Variants in PPM1L observed in about 807,000 individuals in gnomAD.
The protein encoded by PPM1L is protein phosphatase 1L.
In PPM1L, 13 loss-of-function variants were observed where a neutral mutation model predicts 31.4. The observed-to-expected ratio is 0.41, with a 90% CI of 0.27 to 0.66. The LOEUF (loss-of-function observed/expected upper bound fraction) is 0.66. PPM1L is among the 30% of genes least tolerant of loss of function. The probability of loss-of-function intolerance (pLI) is 0.29; values close to 1 mark genes in which losing one functional copy is unlikely to be tolerated. For synonymous variants in PPM1L, 184 were observed against 175.4 expected (o/e 1.05, Z -0.39); for missense variants, 326 against 453.7 (o/e 0.72, Z 2.56).
At chr3:161,044,384 A>AT (rs1166105954) in intron 2 of PPM1L, among the ~76,000 whole-genome samples, 5 of 136,666 alleles carry the variant, frequency 3.7e-5, no homozygotes, top group Non-Finnish European at 8.3e-5. Flanking sequence ...TTATTTATTT[A>AT]TTTTTTAGTG....
chr3:161,061,173 C>T (rs1446119933), intron 2 of PPM1L, among the ~76,000 whole-genome samples: 2 of 151,080 alleles, frequency 1.3e-5, no homozygotes, highest in African/African-American at 4.8e-5. Context: ...TCTTAAGCCT[C>T]CCACCCCAGT....
intron 2 of PPM1L, among the ~76,000 whole-genome samples, chr3:161,006,033 C>T (rs1717693807): frequency 6.6e-6 from 1 of 151,906 alleles, no homozygotes; most frequent in Non-Finnish European, 1.5e-5. Context: ...ACAAAAAACA[C>T]AGTCTCAACG....
At position 161,031,764 on chromosome 3, in the gene PPM1L, C is replaced by T. The variant is rs144257985; in HGVS notation, c.575-33639C>T. Among the ~76,000 whole-genome samples the T allele has an allele frequency of 6.5e-3, 986 of 152,124 alleles. 11 individuals are homozygous for T. Among genetic ancestry groups the T allele is most frequent in the African/African-American group, 0.023 (937 of 41,484 alleles). On this transcript the variant is annotated intron_variant, in intron 2 of 3. Coordinates refer to ENST00000498165, the MANE Select transcript of PPM1L (RefSeq NM_139245.4). ...CAAGTGATCCACCTCAGCCTCCCAACGTGCTGGGATTACAGGCATGAGCCA... is the reference window on the plus strand; with the variant it reads ...CAAGTGATCCACCTCAGCCTCCCAATGTGCTGGGATTACAGGCATGAGCCA...
At chr3:160,979,894 G>A (rs991850559) in intron 2 of PPM1L, among the ~76,000 whole-genome samples, 7 of 151,800 alleles carry the variant, frequency 4.6e-5, no homozygotes, top group Admixed American at 1.3e-4. Context: ...GGAATAAGTC[G>A]ACAAAGGAAC....
intron 2 of PPM1L, among the ~76,000 whole-genome samples, chr3:161,024,698 C>CAA (rs35498356): frequency 3.0e-5 from 4 of 133,136 alleles, no homozygotes; most frequent in Non-Finnish European, 6.6e-5. Context: ...AACTCCATCT[C>CAA]AAAAAAAAAA....
At chr3:160,812,793 C>T (rs1458705798) in intron 1 of PPM1L, among the ~76,000 whole-genome samples, 6 of 152,256 alleles carry the variant, frequency 3.9e-5, no homozygotes, top group South Asian at 2.1e-4. Flanking sequence ...TTTCTAACAC[C>T]GTGATTACAG....
intron 2 of PPM1L, among the ~76,000 whole-genome samples, chr3:161,010,958 C>A (rs188797051): frequency 6.6e-6 from 1 of 152,194 alleles, no homozygotes; most frequent in Non-Finnish European, 1.5e-5. Flanking sequence ...TTCTCCCATT[C>A]TGTAGGTTGC....
intron 1 of PPM1L, among the ~76,000 whole-genome samples, chr3:160,783,211 A>G (rs979025115): frequency 3.9e-5 from 6 of 152,190 alleles, no homozygotes; most frequent in African/African-American, 1.2e-4. Context: ...CAATTGTTTC[A>G]TCATGATGAT....
chr3:160,944,809 A>ATT (rs1491568152), intron 1 of PPM1L, among the ~76,000 whole-genome samples: 8 of 7,294 alleles, frequency 1.1e-3, no homozygotes, highest in African/African-American at 2.2e-3. Context: ...TAACATATAT[A>ATT]ACATATATAT....
At chr3:160,869,241 T>C (rs1204340442) in intron 1 of PPM1L, among the ~76,000 whole-genome samples, 5 of 152,220 alleles carry the variant, frequency 3.3e-5, no homozygotes, top group South Asian at 2.1e-4. Context: ...TTCTCCAGCC[T>C]AAATTAATAA....
chr3:160,992,869 G>A (rs766150195), intron 2 of PPM1L, among the ~76,000 whole-genome samples: 2 of 152,180 alleles, frequency 1.3e-5, no homozygotes, highest in Non-Finnish European at 2.9e-5. Flanking sequence ...CTGAAGGAAG[G>A]TGGGCATGCA....
At chr3:160,777,713 A>G (rs1034369492) in intron 1 of PPM1L, among the ~76,000 whole-genome samples, 6 of 152,194 alleles carry the variant, frequency 3.9e-5, no homozygotes, top group African/African-American at 1.4e-4. Context: ...TTAAGGTCAA[A>G]TAATATTCCA....
At chr3:160,774,726 G>A (rs1249390660) in intron 1 of PPM1L, among the ~76,000 whole-genome samples, 3 of 152,186 alleles carry the variant, frequency 2.0e-5, no homozygotes, top group Non-Finnish European at 2.9e-5. Context: ...AGGATGTCTT[G>A]TCCTTATTTC....
chr3:160,973,542 T>C (rs1716425799), intron 2 of PPM1L, among the ~76,000 whole-genome samples: 1 of 152,144 alleles, frequency 6.6e-6, no homozygotes. Flanking sequence ...AAAAATAAAA[T>C]AGTTTTTAAA....
chr3:160,961,618 G>A, intron 1 of PPM1L, 118 bp from the exon 2 acceptor site: 2 of 720,136 alleles, frequency 2.8e-6, no homozygotes, highest in Non-Finnish European at 4.2e-6. Context: ...GGACATGCTT[G>A]TCTGGAGGGT....
chr3:161,069,700 T>G lies in PPM1L; in HGVS notation c.*543T>G. On this transcript the variant is annotated 3_prime_UTR_variant, in exon 4 of 4. Transcript: ENST00000498165. Reference sequence around the variant, plus strand: ...TGCTCAGTAGCAGCTTGGAAGCAGATTTGGAATGGTTTACTATTTTGGCTG... The same window carrying G: ...TGCTCAGTAGCAGCTTGGAAGCAGAGTTGGAATGGTTTACTATTTTGGCTG... The G allele has an allele frequency of 6.5e-6, 1 of 154,540 alleles. No individual in the cohort carries two copies. Among genetic ancestry groups the G allele is most frequent in the Non-Finnish European group, 1.4e-5 (1 of 69,540 alleles). 9.6% of individuals were successfully genotyped at this position (154,540 alleles called of 1,614,324 possible). A position where few individuals can be genotyped will look rare whatever the true frequency, so the allele number is the denominator to read the frequency against.
intron 2 of PPM1L, among the ~76,000 whole-genome samples, chr3:161,008,351 T>C (rs764236091): frequency 2.0e-5 from 3 of 152,198 alleles, no homozygotes; most frequent in Non-Finnish European, 4.4e-5. Flanking sequence ...TTCAATCTAT[T>C]AGAATTAGAT....
chr3:160,941,971 C>T (rs974379893), intron 1 of PPM1L, among the ~76,000 whole-genome samples: 1 of 152,202 alleles, frequency 6.6e-6, no homozygotes, highest in Admixed American at 6.5e-5. Flanking sequence ...CTTTTCATAG[C>T]TGTGAATTTT....
At chr3:160,844,291 C>A (rs1714003110) in intron 1 of PPM1L, among the ~76,000 whole-genome samples, 2 of 152,110 alleles carry the variant, frequency 1.3e-5, no homozygotes, top group Admixed American at 6.6e-5. Flanking sequence ...ATCCTTTAGC[C>A]TTCAGACTTT....
Sources: allele counts gnomAD v4.1 joint callset (sites outside exome capture counted in the v4.1 genomes callset), GRCh38; gene constraint gnomAD v4.1.1; transcripts MANE v1.5; gene names NCBI Gene and HGNC (gene_info 2026-07-23, HGNC 2026-07-21).